Variants in EDA2R observed in about 807,000 individuals in gnomAD.
EDA2R encodes ectodysplasin A2 receptor.
EDA2R carries 26 observed loss-of-function variants against 20.1 expected under a neutral mutation model. That is an observed-to-expected ratio of 1.30 (90% CI 0.95 to 1.80). EDA2R has a LOEUF of 1.80. EDA2R is among the 40% of genes most tolerant of loss of function. The pLI, the probability that EDA2R is intolerant of heterozygous loss-of-function variation, is 0.00. For synonymous variants in EDA2R, 114 were observed against 88.7 expected, an observed-to-expected ratio of 1.29 and a Z score of -1.60; for missense variants, 277 against 228.7, an observed-to-expected ratio of 1.21 and a Z score of -1.36.
At chrX:66,606,973 C>T in intron 2 of EDA2R, among the ~76,000 whole-genome samples, 1 of 112,426 alleles carries the variant, frequency 8.9e-6, no homozygotes, top group Middle Eastern at 4.6e-3. Context: ...ACCACAATAC[C>T]TAGGGCAATG....
intron 5 of EDA2R, among the ~76,000 whole-genome samples, chrX:66,601,392 A>T (rs1324505087): frequency 8.9e-6 from 1 of 111,940 alleles, no homozygotes; most frequent in Non-Finnish European, 1.9e-5. Context: ...GTGTCCCAGG[A>T]GCTAGCAAGA....
At chrX:66,604,272 T>G in intron 4 of EDA2R, 149 bp downstream of exon 4, 1 of 383,477 alleles carries the variant, frequency 2.6e-6, no homozygotes, top group Non-Finnish European at 4.4e-6. Flanking sequence ...GCAAAGATAA[T>G]ATGTTGTAAA....
At chrX:66,606,913 T>C (rs1311781138) in intron 2 of EDA2R, among the ~76,000 whole-genome samples, 1 of 112,404 alleles carries the variant, frequency 8.9e-6, no homozygotes, top group Non-Finnish European at 1.9e-5. Flanking sequence ...AGAATGCAGA[T>C]TGGAAAAGTG....
At chrX:66,614,421 T>C (rs954844237) in intron 2 of EDA2R, among the ~76,000 whole-genome samples, 2 of 112,250 alleles carry the variant, frequency 1.8e-5, no homozygotes, top group Non-Finnish European at 3.8e-5. Context: ...ACTTACTACA[T>C]CCTAATTGAT....
Position 66,611,484 on chromosome X carries a change from G to A in EDA2R, c.87+4450C>T, listed in dbSNP as rs533849626. On this transcript the variant is annotated intron_variant, in intron 2 of 6. Coordinates refer to ENST00000374719, the MANE Select transcript of EDA2R (RefSeq NM_021783.5). ...CTTAAAAATAGAAAATCTCATCAAA[G>A]AAACAGAAGTTTTTTTTAAATAAAC... Among the ~76,000 whole-genome samples the A allele has an allele frequency of 1.4e-4, 16 of 111,166 alleles. No homozygotes were observed. In the South Asian group the frequency reaches 6.0e-3, roughly 42 times the overall value.
At chrX:66,615,377 A>G (rs761822706) in intron 2 of EDA2R, among the ~76,000 whole-genome samples, 11 of 112,098 alleles carry the variant, frequency 9.8e-5, no homozygotes, top group Non-Finnish European at 1.7e-4. Flanking sequence ...GGGACCTACA[A>G]GGGACCTGAG....
chrX:66,636,319 CT>C (rs1934318176), intron 1 of EDA2R, among the ~76,000 whole-genome samples: 1 of 111,736 alleles, frequency 8.9e-6, no homozygotes, highest in Admixed American at 9.5e-5. Flanking sequence ...AATTTATATA[CT>C]TCAAAACCAC....
At position 66,599,413 on chromosome X, in the gene EDA2R, G is replaced by A. The variant is rs1322959887; in HGVS notation, c.*10+61C>T. On this transcript the variant is annotated intron_variant, in intron 6 of 6. Transcript: ENST00000374719. ...CTATTCCAAAAGAGAATTCCTTGAG[G>A]TTAGTCCTTAATTTCTGTTTTGCTT... The A allele has an allele frequency of 5.7e-6, 6 of 1,049,456 alleles. No homozygotes were observed. In the African/African-American group the frequency reaches 5.8e-5, roughly 10 times the overall value. 86.5% of individuals were successfully genotyped at this position (1,049,456 alleles called of 1,213,427 possible).
chrX:66,600,112 C>T lies in EDA2R; in HGVS notation c.518-252G>A, dbSNP rs1308833404. 13 of 1,133,192 alleles carry T rather than the reference C, an allele frequency of 1.1e-5. No individual in the cohort carries two copies. In the East Asian group the frequency reaches 2.3e-4, roughly 20 times the overall value. The allele number at this position is 1,133,192 out of a possible 1,213,427, so 93.4% of individuals were successfully genotyped here. On this transcript the variant is annotated intron_variant, in intron 5 of 6. Transcript: ENST00000374719. ...TCAATTTCTCTAGAGAAAAAGAAACCTTTGTGGGAAACAGGATTTTGATAC... is the reference window on the plus strand; with the variant it reads ...TCAATTTCTCTAGAGAAAAAGAAACTTTTGTGGGAAACAGGATTTTGATAC...
At chrX:66,630,820 T>TACAC (rs780295995) in intron 1 of EDA2R, among the ~76,000 whole-genome samples, 278 of 39,534 alleles carry the variant, frequency 7.0e-3, no homozygotes, top group South Asian at 0.02. Context: ...CATATATATA[T>TACAC]ATACACACAC....
intron 1 of EDA2R, among the ~76,000 whole-genome samples, chrX:66,616,662 A>G (rs912831770): frequency 4.4e-5 from 5 of 112,468 alleles, no homozygotes; most frequent in African/African-American, 6.5e-5. Flanking sequence ...CCCAGAATGT[A>G]GACATATTTT....
chrX:66,607,925 A>G (rs1929992327), intron 2 of EDA2R, among the ~76,000 whole-genome samples: 1 of 112,381 alleles, frequency 8.9e-6, no homozygotes, highest in African/African-American at 3.2e-5. Context: ...GACAAAGACT[A>G]AAAGAACTGT....
chrX:66,632,963 C>A (rs1409917955), intron 1 of EDA2R, among the ~76,000 whole-genome samples: 2 of 111,546 alleles, frequency 1.8e-5, no homozygotes, highest in Admixed American at 9.5e-5. Context: ...AATGAACCTG[C>A]GCAAAATTAA....
In EDA2R at chrX:66,602,620, C is replaced by T; in HGVS notation, c.517+13G>A. The T allele has an allele frequency of 1.7e-6, 2 of 1,184,290 alleles. No homozygotes were observed. Among genetic ancestry groups the T allele is most frequent in the Non-Finnish European group, 2.3e-6 (2 of 881,571 alleles). On this transcript the variant is annotated intron_variant, in intron 5 of 6. Transcript: ENST00000374719. ...TTCCTGATTCATGTGAAACATGAAA[C>T]AGCCACCCTTACCACGCTGGCAATG...
In EDA2R at chrX:66,595,892, A is replaced by T. The variant is rs1034202567; in HGVS notation, c.*2212T>A. On this transcript the variant is annotated 3_prime_UTR_variant, in exon 7 of 7. Coordinates refer to ENST00000374719, the MANE Select transcript of EDA2R (RefSeq NM_021783.5). ...TATGATCTCAATGTGACAGGGCTGT[A>T]TGTTGTAGAGGGGTATGCTGTAGTG... The T allele has an allele frequency of 6.3e-5, 7 of 110,563 alleles. No individual in the cohort carries two copies. The highest frequency in any genetic ancestry group is 3.9e-4 in the Admixed American group (4 of 10,336). 9.1% of individuals were successfully genotyped at this position (110,563 alleles called of 1,213,427 possible).
intron 1 of EDA2R, among the ~76,000 whole-genome samples, chrX:66,632,607 AG>A (rs1460531586): frequency 9.5e-6 from 1 of 105,182 alleles, no homozygotes; most frequent in Non-Finnish European, 1.9e-5. Flanking sequence ...AAGCCAGAGA[AG>A]AAAAAAAAAA....
Position 66,596,726 on chromosome X carries a change from T to A in EDA2R, c.*1378A>T, listed in dbSNP as rs1046503538. 11 of 108,651 alleles carry A rather than the reference T, an allele frequency of 1.0e-4. No homozygotes were observed. The highest frequency in any genetic ancestry group is 8.8e-4 in the Admixed American group (9 of 10,177). The allele number at this position is 108,651 out of a possible 1,213,427, so 9.0% of individuals were successfully genotyped here. On this transcript the variant is annotated 3_prime_UTR_variant, in exon 7 of 7. Transcript: ENST00000374719. ...TCAGTGAAAGCCAGTGAGATAAGAA[T>A]AACCTGTTGCAGAAAAACAAAAACA...
At chrX:66,628,385 T>G (rs1332200022) in intron 1 of EDA2R, among the ~76,000 whole-genome samples, 1 of 109,602 alleles carries the variant, frequency 9.1e-6, no homozygotes, top group African/African-American at 3.3e-5. Context: ...ACACGAAAGA[T>G]AAATAAAACA....
intron 1 of EDA2R, among the ~76,000 whole-genome samples, chrX:66,634,165 T>C (rs897323329): frequency 7.1e-5 from 8 of 112,203 alleles, no homozygotes; most frequent in Admixed American, 1.9e-4. Flanking sequence ...ATGAGAACTA[T>C]AGAATGAGGC....
Sources: gnomAD v4.1 joint callset for allele counts (sites outside exome capture counted in the v4.1 genomes callset) on GRCh38, gnomAD v4.1.1 for gene constraint, MANE v1.5 for transcripts, NCBI Gene and HGNC (gene_info 2026-07-23, HGNC 2026-07-21) for gene names.